Variants in CLTCL1 observed in about 807,000 individuals in gnomAD.
CLTCL1 encodes the protein clathrin heavy chain 2.
In CLTCL1, 159 loss-of-function variants were observed where a neutral mutation model predicts 190.0. The observed-to-expected ratio is 0.84, with a 90% CI of 0.74 to 0.95. CLTCL1 has a LOEUF of 0.95. Among genes scored for constraint, CLTCL1 ranks in the 40% least tolerant of loss-of-function variants. The pLI is 0.00. For missense variants in CLTCL1, 1,878 were observed against 2,033.4 expected, an observed-to-expected ratio of 0.92 and a Z score of 1.47; for synonymous variants, 752 against 769.6, an observed-to-expected ratio of 0.98 and a Z score of 0.38.
At chr22:19,222,214 G>T in intron 15 of CLTCL1, 121 bp from the exon 16 acceptor site, 1 of 968,486 alleles carries the variant, frequency 1.0e-6, no homozygotes, top group Non-Finnish European at 1.6e-6. Context: ...ACTGCGCTGT[G>T]TCCCACCAAA....
intron 3 of CLTCL1, among the ~76,000 whole-genome samples, chr22:19,244,040 C>T (rs985532565): frequency 2.2e-4 from 34 of 152,200 alleles, no homozygotes; most frequent in African/African-American, 7.9e-4. Flanking sequence ...CATTTATATC[C>T]AATGTCAAAT....
chr22:19,239,251 G>T, intron 5 of CLTCL1, 24 bp downstream of exon 5: 1 of 1,552,256 alleles, frequency 6.4e-7, no homozygotes, highest in Non-Finnish European at 8.9e-7. Flanking sequence ...ACATGAAGAT[G>T]TTTAGAGAGC....
At chr22:19,237,569 T>C (rs549046288) in intron 5 of CLTCL1, among the ~76,000 whole-genome samples, 1 of 152,318 alleles carries the variant, frequency 6.6e-6, no homozygotes, top group Non-Finnish European at 1.5e-5. Context: ...CTCGGACTTT[T>C]AGACTAACAT....
intron 18 of CLTCL1, among the ~76,000 whole-genome samples, chr22:19,217,663 CAT>C (rs1456196931): frequency 2.7e-5 from 3 of 110,188 alleles, no homozygotes; most frequent in Non-Finnish European, 5.6e-5. Flanking sequence ...GCCTGGCTAA[CAT>C]AGTGAAACCC....
chr22:19,280,696 G>A (rs899602479), intron 1 of CLTCL1, among the ~76,000 whole-genome samples: 1 of 151,326 alleles, frequency 6.6e-6, no homozygotes, highest in Admixed American at 6.6e-5. Context: ...GCGGGCGCCT[G>A]TAATCCCAGC....
At chr22:19,215,548 CACCTCTA>C (rs1156456820) in intron 19 of CLTCL1, among the ~76,000 whole-genome samples, 1 of 152,188 alleles carries the variant, frequency 6.6e-6, no homozygotes, top group African/African-American at 2.4e-5. Flanking sequence ...CACACACTCC[CACCTCTA>C]TACTGCCGGT....
At chr22:19,199,203 G>C (rs1024562306) in intron 24 of CLTCL1, among the ~76,000 whole-genome samples, 1 of 152,154 alleles carries the variant, frequency 6.6e-6, no homozygotes, top group Non-Finnish European at 1.5e-5. Flanking sequence ...GGAAGCCCAG[G>C]TCCCTAAACA....
At chr22:19,186,879 G>A (rs1368257485) in intron 29 of CLTCL1, among the ~76,000 whole-genome samples, 1 of 151,966 alleles carries the variant, frequency 6.6e-6, no homozygotes. Flanking sequence ...GGGATTACAG[G>A]TGTGAGCCAC....
rs550856468 is a variant in CLTCL1 at position 19,264,775 on chromosome 22, T to C, written c.251-10548A>G. On this transcript the variant is annotated intron_variant, in intron 2 of 32. Coordinates refer to ENST00000427926, the MANE Select transcript of CLTCL1 (RefSeq NM_007098.4). ...GAATTCACAAAAAGGAGCAACTCAA[T>C]GGTGAAATTTCATGCAATTTTTTTT... is the stretch of plus-strand genomic sequence containing the variant. Among the ~76,000 whole-genome samples, 4 of 152,170 alleles carry C rather than the reference T, an allele frequency of 2.6e-5. No individual in the cohort carries two copies. In the South Asian group the frequency reaches 8.3e-4, roughly 32 times the overall value.
At chr22:19,266,527 G>T (rs1164244006) in intron 2 of CLTCL1, among the ~76,000 whole-genome samples, 2 of 152,182 alleles carry the variant, frequency 1.3e-5, no homozygotes, top group Non-Finnish European at 2.9e-5. Flanking sequence ...GTCCTTCACA[G>T]ATTCTTTCAG....
rs372594770 is a variant in CLTCL1, at chr22:19,208,260, C to G, written c.3494G>C (p.Arg1165Pro). ...KFLQMARKKG[R>P]ESYIETELIF... Reference sequence around the variant, plus strand: ...AAGTTCAGTCTCTATATAGGACTCACGGCCCTTTTTCCTGGCCATCTGCAG... The same window carrying G: ...AAGTTCAGTCTCTATATAGGACTCAGGGCCCTTTTTCCTGGCCATCTGCAG... Residue 1165 changes from arginine (R) to proline (P), a missense_variant, in exon 22 of 33, where the codon CGT becomes CCT. Transcript: ENST00000427926. The G allele has an allele frequency of 6.2e-7, 1 of 1,613,800 alleles. No homozygotes were observed. Among genetic ancestry groups the G allele is most frequent in the Non-Finnish European group, 8.5e-7 (1 of 1,179,878 alleles).
At chr22:19,265,137 G>T (rs1601691181) in intron 2 of CLTCL1, among the ~76,000 whole-genome samples, 1 of 152,094 alleles carries the variant, frequency 6.6e-6, no homozygotes, top group South Asian at 2.1e-4. Flanking sequence ...TAAGATAAAG[G>T]CCTGCTGCCA....
chr22:19,186,845 C>T (rs1310197675), intron 29 of CLTCL1, among the ~76,000 whole-genome samples: 2 of 152,192 alleles, frequency 1.3e-5, no homozygotes, highest in Non-Finnish European at 2.9e-5. Context: ...AAATGATCTG[C>T]CCACCTCAGC....
Position 19,180,216 on chromosome 22 carries a change from G to T in CLTCL1, c.*3C>A. 4 of 1,613,664 alleles carry T rather than the reference G, an allele frequency of 2.5e-6. No individual in the cohort carries two copies. The highest frequency in any genetic ancestry group is 3.4e-6 in the Non-Finnish European group (4 of 1,179,724). The stretch of plus-strand genomic sequence containing the variant: ...ACACTTACTTAGTGCAATCAGCTGG[G>T]TCTCATTCATGCCCATCAAAATCTA... On this transcript the variant is annotated 3_prime_UTR_variant, in exon 32 of 33. Coordinates refer to ENST00000427926, the MANE Select transcript of CLTCL1 (RefSeq NM_007098.4).
At chr22:19,205,467 GCCA>G (rs1555942259) in intron 22 of CLTCL1, among the ~76,000 whole-genome samples, 3 of 152,202 alleles carry the variant, frequency 2.0e-5, no homozygotes, top group Non-Finnish European at 2.9e-5. Context: ...CTGAGATCGT[GCCA>G]CTGCACTGTA....
chr22:19,203,646 C>A (rs182886226), intron 22 of CLTCL1, among the ~76,000 whole-genome samples: 1 of 152,032 alleles, frequency 6.6e-6, no homozygotes. Context: ...TTGGTCCATC[C>A]CCCCCCAGCC....
At chr22:19,289,580 G>C (rs1175092727) in intron 1 of CLTCL1, among the ~76,000 whole-genome samples, 2 of 152,156 alleles carry the variant, frequency 1.3e-5, no homozygotes, top group African/African-American at 4.8e-5. Context: ...GTGGGGACAA[G>C]AGCGGGGGAA....
rs782309703 is a variant in CLTCL1 at position 19,184,552 on chromosome 22, G to A, written c.4606-941C>T. On this transcript the variant is annotated intron_variant, in intron 29 of 32. Transcript: ENST00000427926. ...CACACTGTTCCTACAAAGGCACCAG[G>A]ATTCTGACCCTCAGGTGAGAGCTCC... The A allele has an allele frequency of 2.9e-5, 13 of 456,028 alleles. No homozygotes were observed. In the East Asian group the frequency reaches 7.6e-4, roughly 27 times the overall value. 28.2% of individuals were successfully genotyped at this position (456,028 alleles called of 1,614,324 possible).
In CLTCL1 at chr22:19,233,593, C is replaced by T. The variant is rs2085985184; in HGVS notation, c.1197G>A (p.Gln399=). 6.2e-7 allele frequency: 1 copy of T among 1,613,578 alleles called. No homozygotes were observed. The highest frequency in any genetic ancestry group is 8.5e-7 in the Non-Finnish European group (1 of 1,179,894). ...ACTGAGCGGGTATACTCTGGAATTTCTGGACCGTCTCTCTGGTACGCAGGA... is the reference window on the plus strand; with the variant it reads ...ACTGAGCGGGTATACTCTGGAATTTTTGGACCGTCTCTCTGGTACGCAGGA... The part of the protein sequence containing the change: ...KGILRTRETV[Q]KFQSIPAQSG... Residue 399 remains glutamine (Q), a synonymous_variant, in exon 8 of 33, where the codon CAG becomes CAA. Coordinates refer to ENST00000427926, the MANE Select transcript of CLTCL1 (RefSeq NM_007098.4).
Sources: gnomAD v4.1 joint callset for allele counts (sites outside exome capture counted in the v4.1 genomes callset) on GRCh38, gnomAD v4.1.1 for gene constraint, MANE v1.5 for transcripts, NCBI Gene and HGNC (gene_info 2026-07-23, HGNC 2026-07-21) for gene names.